The following MAP3K13 variants were observed in gnomAD, a reference collection of about 807,000 sequenced individuals.
MAP3K13 encodes the protein leucine zipper-bearing kinase.
Under a neutral mutation model 104.0 loss-of-function variants are expected in MAP3K13, and 52 were observed. The observed-to-expected ratio is 0.50, with a 90% CI of 0.40 to 0.63. The LOEUF (loss-of-function observed/expected upper bound fraction) is 0.63, where lower values mean the gene tolerates loss of function less well. Among genes scored for constraint, MAP3K13 ranks in the 20% least tolerant of loss-of-function variants. The pLI, the probability that MAP3K13 is intolerant of heterozygous loss-of-function variation, is 0.00. For synonymous variants in MAP3K13, 394 were observed against 442.2 expected, an observed-to-expected ratio of 0.89 and a Z score of 1.37; for missense variants, 914 against 1,218.5, an observed-to-expected ratio of 0.75 and a Z score of 3.72.
intron 2 of MAP3K13, among the ~76,000 whole-genome samples, chr3:185,431,819 C>A (rs936599740): frequency 6.6e-6 from 1 of 152,126 alleles, no homozygotes; most frequent in African/African-American, 2.4e-5. Context: ...TCCCTCTATA[C>A]CTGTTTTCCA....
rs1718565019 is a variant in MAP3K13 at position 185,483,303 on chromosome 3, A to G, written c.*847A>G. ...CCTTTTTAGTGCTGTCACTGTCATT[A>G]CCTTGGCAAATGTGCTACCTTGACC... On this transcript the variant is annotated 3_prime_UTR_variant, in exon 14 of 14. Transcript: ENST00000265026. 1.3e-5 allele frequency: 3 copies of G among 232,270 alleles called. 1 individual carries two copies. In the South Asian group the frequency reaches 5.4e-4, roughly 42 times the overall value. The allele number at this position is 232,270 out of a possible 1,614,324, so 14.4% of individuals were successfully genotyped here. A position where few individuals can be genotyped will look rare whatever the true frequency, so the allele number is the denominator to read the frequency against.
At chr3:185,420,354 T>A (rs1560096892) in intron 1 of MAP3K13, among the ~76,000 whole-genome samples, 1 of 152,238 alleles carries the variant, frequency 6.6e-6, no homozygotes, top group Non-Finnish European at 1.5e-5. Context: ...AGCTAGCTAA[T>A]GTTTTCAAAG....
intron 7 of MAP3K13, among the ~76,000 whole-genome samples, chr3:185,456,952 A>G (rs1374876473): frequency 6.6e-6 from 1 of 152,076 alleles, no homozygotes; most frequent in Non-Finnish European, 1.5e-5. Flanking sequence ...TTGAAAAGCA[A>G]TTTCTGATGA....
chr3:185,373,657 A>G (rs754815342), intron 1 of MAP3K13, among the ~76,000 whole-genome samples: 1 of 152,148 alleles, frequency 6.6e-6, no homozygotes, highest in Non-Finnish European at 1.5e-5. Flanking sequence ...ACAAACAAAC[A>G]AAAAGAATAT....
chr3:185,466,143 G>A (rs1717407518), intron 9 of MAP3K13, among the ~76,000 whole-genome samples: 1 of 152,180 alleles, frequency 6.6e-6, no homozygotes, highest in Non-Finnish European at 1.5e-5. Context: ...GTGAAGACCG[G>A]GGAGCCGATT....
intron 1 of MAP3K13, among the ~76,000 whole-genome samples, chr3:185,426,600 T>C (rs1235982107): frequency 6.6e-6 from 1 of 152,220 alleles, no homozygotes; most frequent in African/African-American, 2.4e-5. Flanking sequence ...CCTTATAGTC[T>C]AGTCCCTACC....
At chr3:185,343,160 G>A (rs1478312548) in intron 2 of MAP3K13, among the ~76,000 whole-genome samples, 1 of 152,054 alleles carries the variant, frequency 6.6e-6, no homozygotes, top group African/African-American at 2.4e-5. Context: ...CATATTACGT[G>A]CACGTAATCA....
chr3:185,398,409 C>T (rs1386831391), intron 1 of MAP3K13, among the ~76,000 whole-genome samples: 3 of 152,162 alleles, frequency 2.0e-5, no homozygotes, highest in Non-Finnish European at 2.9e-5. Context: ...TCCCCAAAAG[C>T]AGAAAGAGTA....
At chr3:185,348,314 A>G (rs942249499) in intron 2 of MAP3K13, among the ~76,000 whole-genome samples, 3 of 152,226 alleles carry the variant, frequency 2.0e-5, no homozygotes, top group Non-Finnish European at 2.9e-5. Context: ...TGGAGCCTCG[A>G]GTAATTTAAT....
At position 185,315,393 on chromosome 3, in the gene MAP3K13, C is replaced by A. The variant is rs895399931; in HGVS notation, c.-86+29750C>A. On this transcript the variant is annotated intron_variant, in intron 2 of 14. Coordinates refer to the MAP3K13 transcript ENST00000424227. This position sits in a 1 kb window ranked among gnomAD's most constrained non-coding sequence, Gnocchi z 4.3. ...TGTATGTCTTAACAAAAACAGATTGCTGGGTTCTACCCTAGAGTTTCTGAT... is the reference window on the plus strand; with the variant it reads ...TGTATGTCTTAACAAAAACAGATTGATGGGTTCTACCCTAGAGTTTCTGAT... 2.2e-4 allele frequency among the ~76,000 whole-genome samples: 34 copies of A among 152,168 alleles called. No individual in the cohort carries two copies. The highest frequency in any genetic ancestry group is 8.2e-4 in the African/African-American group (34 of 41,440).
At chr3:185,351,029 A>T (rs1403904845) in intron 2 of MAP3K13, among the ~76,000 whole-genome samples, 2 of 152,252 alleles carry the variant, frequency 1.3e-5, no homozygotes, top group Non-Finnish European at 2.9e-5. Context: ...CTACACAGCC[A>T]TAAAAAAGCA....
intron 5 of MAP3K13, 125 bp from the exon 6 acceptor site, chr3:185,449,775 C>A: frequency 3.0e-6 from 2 of 674,326 alleles, no homozygotes; most frequent in Non-Finnish European, 4.4e-6. Flanking sequence ...TTCTGTTTTT[C>A]TTATAGCAGT....
intron 2 of MAP3K13, among the ~76,000 whole-genome samples, chr3:185,434,499 TAACC>T (rs1421596027): frequency 6.6e-6 from 1 of 152,194 alleles, no homozygotes; most frequent in Non-Finnish European, 1.5e-5. Flanking sequence ...CTGTCCTCTT[TAACC>T]AAGGAACTGA....
At chr3:185,365,027 ATCT>A (rs1723804568) in intron 1 of MAP3K13, among the ~76,000 whole-genome samples, 1 of 152,202 alleles carries the variant, frequency 6.6e-6, no homozygotes, top group Non-Finnish European at 1.5e-5. Flanking sequence ...AATCAAACTC[ATCT>A]TAAAAAATGT....
chr3:185,431,312 CATA>C (rs1227289356), intron 2 of MAP3K13, among the ~76,000 whole-genome samples: 2 of 152,178 alleles, frequency 1.3e-5, no homozygotes, highest in Non-Finnish European at 2.9e-5. Flanking sequence ...TTAATGGCCA[CATA>C]ATATTAAATG....
intron 1 of MAP3K13, among the ~76,000 whole-genome samples, chr3:185,416,354 G>T (rs1046782136): frequency 5.3e-5 from 8 of 151,570 alleles, no homozygotes; most frequent in African/African-American, 1.9e-4. Flanking sequence ...TCTAGTTAAA[G>T]ATTTGCATAG....
chr3:185,389,841 C>T (rs1023939864), intron 1 of MAP3K13, among the ~76,000 whole-genome samples: 5 of 152,048 alleles, frequency 3.3e-5, no homozygotes, highest in Admixed American at 6.6e-5. Context: ...ACCTATCATA[C>T]AGTAACATAA....
intron 2 of MAP3K13, among the ~76,000 whole-genome samples, chr3:185,308,801 A>C (rs1302137273): frequency 1.3e-5 from 2 of 152,140 alleles, no homozygotes; most frequent in Non-Finnish European, 2.9e-5. Flanking sequence ...GCAATTATGT[A>C]GGGCTGGACT....
intron 2 of MAP3K13, chr3:185,291,638 C>T (rs1281378574): frequency 2.0e-6 from 3 of 1,531,132 alleles, no homozygotes; most frequent in Non-Finnish European, 2.6e-6. Context: ...TTTTGAAGAC[C>T]ATGGCCTATC....
Sources: allele counts gnomAD v4.1 joint callset (sites outside exome capture counted in the v4.1 genomes callset), GRCh38; gene constraint gnomAD v4.1.1; non-coding constraint Gnocchi (gnomAD v3.1); transcripts MANE v1.5; gene names NCBI Gene and HGNC (gene_info 2026-07-23, HGNC 2026-07-21).